ZBTB20: variants seen among roughly 807,000 people sequenced by gnomAD.
The protein encoded by ZBTB20 is zinc finger and BTB domain containing 20, also known as zinc finger and BTB domain-containing protein 20.
A neutral mutation model predicts 56.9 loss-of-function variants in ZBTB20; 9 were observed. That is an observed-to-expected ratio of 0.16 (90% confidence interval 0.10 to 0.28). ZBTB20 has a LOEUF of 0.28. Ranked by LOEUF, ZBTB20 falls within the 10% of genes least tolerant of loss-of-function variation. The probability of loss-of-function intolerance (pLI) is 1.00; values close to 1 mark genes in which losing one functional copy is unlikely to be tolerated. For synonymous variants in ZBTB20, 417 were observed against 420.7 expected (o/e 0.99, Z 0.11); for missense variants, 655 against 1,003.0 (o/e 0.65, Z 4.69).
At chr3:115,107,519 G>A (rs896098099) in intron 1 of ZBTB20, among the ~76,000 whole-genome samples, 2 of 152,302 alleles carry the variant, frequency 1.3e-5, no homozygotes, top group Middle Eastern at 3.4e-3. Context: ...TGGCGAGGCT[G>A]CAAAGAAATA....
intron 6 of ZBTB20, among the ~76,000 whole-genome samples, chr3:114,643,133 AG>A (rs2059646487): frequency 6.6e-6 from 1 of 152,100 alleles, no homozygotes; most frequent in Admixed American, 6.5e-5. Context: ...TGTTCAGAAA[AG>A]GGGTCATTTT....
chr3:114,872,837 G>A (rs756732619), intron 4 of ZBTB20, among the ~76,000 whole-genome samples: 12 of 152,064 alleles, frequency 7.9e-5, no homozygotes, highest in Non-Finnish European at 1.6e-4. Flanking sequence ...TAAATCCAAG[G>A]AGGTAGTGTC....
intron 4 of ZBTB20, among the ~76,000 whole-genome samples, chr3:114,857,451 G>C (rs914195484): frequency 5.9e-5 from 9 of 152,226 alleles, no homozygotes; most frequent in Admixed American, 5.9e-4. Flanking sequence ...GTAGTCAGGT[G>C]AACTGTAGGG....
intron 4 of ZBTB20, among the ~76,000 whole-genome samples, chr3:114,897,886 C>G (rs971598381): frequency 6.6e-6 from 1 of 152,118 alleles, no homozygotes; most frequent in African/African-American, 2.4e-5. Flanking sequence ...ATTATGTAAA[C>G]TGTGCCAATC....
chr3:115,127,053 T>G (rs970129902), intron 1 of ZBTB20, among the ~76,000 whole-genome samples: 1 of 152,218 alleles, frequency 6.6e-6, no homozygotes, highest in South Asian at 2.1e-4. Flanking sequence ...AAAATGAATA[T>G]AATTATTCTT....
chr3:114,445,496 T>C (rs934400181), intron 7 of ZBTB20: 9 of 152,200 alleles, frequency 5.9e-5, no homozygotes, highest in African/African-American at 1.9e-4. Context: ...AGAATTATCA[T>C]CATTCCTACA....
intron 5 of ZBTB20, among the ~76,000 whole-genome samples, chr3:114,706,922 A>C (rs923441647): frequency 6.6e-6 from 1 of 152,098 alleles, no homozygotes; most frequent in African/African-American, 2.4e-5. Context: ...AAGAGGGGAA[A>C]AAAAGGGGGT....
At chr3:114,525,626 G>T (rs901256839) in intron 6 of ZBTB20, among the ~76,000 whole-genome samples, 5 of 151,868 alleles carry the variant, frequency 3.3e-5, no homozygotes, top group South Asian at 2.1e-4. Flanking sequence ...TTTTCTAATT[G>T]TTTCATATGG....
At chr3:115,098,314 T>C (rs2083452517) in intron 1 of ZBTB20, among the ~76,000 whole-genome samples, 1 of 152,198 alleles carries the variant, frequency 6.6e-6, no homozygotes, top group Non-Finnish European at 1.5e-5. Context: ...GAATTTTAGA[T>C]GGTCCTCACA....
chr3:114,994,315 C>T (rs2078940794), intron 2 of ZBTB20, among the ~76,000 whole-genome samples: 1 of 151,808 alleles, frequency 6.6e-6, no homozygotes, highest in Admixed American at 6.6e-5. Context: ...AATCTCCTGA[C>T]AAGTTACATC....
chr3:114,578,155 A>G (rs2054286174), intron 6 of ZBTB20, among the ~76,000 whole-genome samples: 1 of 152,146 alleles, frequency 6.6e-6, no homozygotes, highest in Non-Finnish European at 1.5e-5. Context: ...CAGAAATCTT[A>G]AAAAATTAAA....
At chr3:114,628,652 T>C (rs939017826) in intron 6 of ZBTB20, among the ~76,000 whole-genome samples, 5 of 152,198 alleles carry the variant, frequency 3.3e-5, no homozygotes, top group African/African-American at 9.6e-5. Flanking sequence ...ATCTGTCATT[T>C]ATTTTCCTCC....
intron 4 of ZBTB20, among the ~76,000 whole-genome samples, chr3:114,819,116 A>G (rs2073103041): frequency 6.6e-6 from 1 of 151,932 alleles, no homozygotes; most frequent in Admixed American, 6.6e-5. Flanking sequence ...AGAATTATAA[A>G]TGAAATATAG....
At chr3:114,859,443 T>C (rs1288586046) in intron 4 of ZBTB20, among the ~76,000 whole-genome samples, 1 of 151,918 alleles carries the variant, frequency 6.6e-6, no homozygotes, top group Non-Finnish European at 1.5e-5. Context: ...CTTCTTTCCT[T>C]CCTTCCTTCA....
At chr3:114,882,414 T>C (rs1157272907) in intron 4 of ZBTB20, among the ~76,000 whole-genome samples, 1 of 152,028 alleles carries the variant, frequency 6.6e-6, no homozygotes, top group Non-Finnish European at 1.5e-5. Context: ...ATTTTAATTA[T>C]ATAAACATAT....
chr3:114,776,285 T>C (rs2069603039), intron 5 of ZBTB20, among the ~76,000 whole-genome samples: 1 of 150,768 alleles, frequency 6.6e-6, no homozygotes, highest in Admixed American at 6.6e-5. Flanking sequence ...ACTTTGCAGG[T>C]ATAATTAAAT....
In ZBTB20 at chr3:114,844,520, CAAAAAAAA is replaced by C. The variant is rs71146342; in HGVS notation, c.-416-43354_-416-43347del. ...TGGTTGACAGAGCAAGTCCCTGTCT[CAAAAAAAA>C]AAAAAAAAAAAAAAAAAAAAAAAAC... On this transcript the variant is annotated intron_variant, in intron 4 of 11. Transcript: ENST00000675478. 7.8e-3 allele frequency among the ~76,000 whole-genome samples: 177 copies of C among 22,794 alleles called. 2 individuals carry two copies. Among genetic ancestry groups the C allele is most frequent in the African/African-American group, 0.037 (149 of 4,008 alleles). 15.0% of individuals were successfully genotyped at this position (22,794 alleles called of 152,430 possible). A position where few individuals can be genotyped will look rare whatever the true frequency, so the allele number is the denominator to read the frequency against.
intron 8 of ZBTB20, among the ~76,000 whole-genome samples, chr3:114,382,797 C>T (rs935031765): frequency 6.6e-6 from 1 of 152,088 alleles, no homozygotes; most frequent in Non-Finnish European, 1.5e-5. Flanking sequence ...TTTTAGTATT[C>T]CTAGTGTTCA....
chr3:114,994,140 G>A lies in ZBTB20; in HGVS notation c.-506-19724C>T, dbSNP rs187247031. 9.9e-5 allele frequency among the ~76,000 whole-genome samples: 15 copies of A among 151,768 alleles called. No homozygotes were observed. In the East Asian group the frequency reaches 2.9e-3, roughly 30 times the overall value. On this transcript the variant is annotated intron_variant, in intron 2 of 11. Transcript: ENST00000675478. ...AGAGAATGTATCTCAAACAATATAGGAAAGATTTAAAATAACCTGAGAATA... is the reference window on the plus strand; with the variant it reads ...AGAGAATGTATCTCAAACAATATAGAAAAGATTTAAAATAACCTGAGAATA...
Sources: gnomAD v4.1 joint callset for allele counts (sites outside exome capture counted in the v4.1 genomes callset) on GRCh38, gnomAD v4.1.1 for gene constraint, MANE v1.5 for transcripts, NCBI Gene and HGNC (gene_info 2026-07-23, HGNC 2026-07-21) for gene names.